Variants in TARS1 observed in about 807,000 individuals in gnomAD.
TARS1 encodes the protein threonyl-tRNA synthetase 1.
TARS1 carries 57 observed loss-of-function variants against 97.7 expected under a neutral mutation model. The observed-to-expected ratio is 0.58, with a 90% CI of 0.47 to 0.73. TARS1 has a LOEUF of 0.73. TARS1 is among the 30% of genes least tolerant of loss of function. The probability of loss-of-function intolerance (pLI) is 0.00; values close to 1 mark genes in which losing one functional copy is unlikely to be tolerated. For synonymous variants in TARS1, 312 were observed against 293.7 expected, an observed-to-expected ratio of 1.06 and a Z score of -0.64; for missense variants, 806 against 888.3, an observed-to-expected ratio of 0.91 and a Z score of 1.18.
In TARS1 at chr5:33,461,722, A is replaced by T; in HGVS notation, c.1607A>T (p.Asp536Val). 1 of 1,614,066 alleles carries T rather than the reference A, an allele frequency of 6.2e-7. No homozygotes were observed. Among genetic ancestry groups the T allele is most frequent in the Admixed American group, 1.7e-5 (1 of 60,024 alleles). The change falls in exon 14 of 19, where the codon GAT (aspartate) becomes GTT (valine). Residue 536 changes from aspartate (D) to valine (V), a missense_variant. Coordinates refer to ENST00000265112, the MANE Select transcript of TARS1 (RefSeq NM_152295.5). ...GAAAAGTGGGAGTTAAACTCTGGAG[A>T]TGGAGCTTTCTATGGCCCAAAGGTG... ...FGEKWELNSG[D>V]GAFYGPKIDI...
In TARS1 at chr5:33,455,065, G is replaced by A; in HGVS notation, c.574G>A (p.Gly192Arg). The change falls in exon 5 of 19, where the codon GGG becomes AGG. Residue 192 changes from glycine to arginine, a missense_variant and splice_region_variant. This residue lies in a region of TARS1 where 356 missense variants were observed against 357.8 expected (regional missense o/e 0.99). Transcript: ENST00000265112. ...CTATTATGACATGTACCTCGAAGAA[G>A]GGTAAGCCATCAACTAGATAAAGAA... ...GFYYDMYLEE[G>R]GVSSNDFSSL... 4 of 1,613,376 alleles carry A rather than the reference G, an allele frequency of 2.5e-6. No homozygotes were observed. Among genetic ancestry groups the A allele is most frequent in the Non-Finnish European group, 3.4e-6 (4 of 1,179,676 alleles).
intron 4 of TARS1, among the ~76,000 whole-genome samples, 192 bp from the exon 5 acceptor site, chr5:33,454,753 C>CTT (rs3215116): frequency 0.51 from 77,500 of 151,950 alleles, 21,022 homozygotes; most frequent in East Asian, 0.75. Context: ...TAAAAATACA[C>CTT]TAGTAATTGG....
chr5:33,453,137 T>A (rs190048471), intron 3 of TARS1, 152 bp from the exon 4 acceptor site: 2 of 1,068,860 alleles, frequency 1.9e-6, no homozygotes, highest in East Asian at 3.0e-5. Flanking sequence ...TTTTGGAATT[T>A]GTTGTTTTTA....
chr5:33,466,199 A>G (rs1380056997), intron 17 of TARS1: 1 of 152,230 alleles, frequency 6.6e-6, no homozygotes, highest in Non-Finnish European at 1.5e-5. Context: ...CTTTGGGTTA[A>G]TGGCCACTGT....
intron 5 of TARS1, 147 bp downstream of exon 5, chr5:33,455,213 A>G (rs527415568): frequency 2.6e-5 from 28 of 1,066,400 alleles, no homozygotes; most frequent in South Asian, 1.7e-4. Context: ...AAGTGTTGCA[A>G]TTTACCTGAA....
chr5:33,445,483 G>T, intron 2 of TARS1, 79 bp downstream of exon 2: 1 of 1,231,964 alleles, frequency 8.1e-7, no homozygotes, highest in South Asian at 1.3e-5. Context: ...TTCCTAATGT[G>T]TAAGGGTTCT....
chr5:33,453,309 C>A lies in TARS1; in HGVS notation c.350C>A (p.Thr117Asn). 1.3e-6 allele frequency: 2 copies of A among 1,597,912 alleles called. No homozygotes were observed. The highest frequency in any genetic ancestry group is 1.1e-5 in the South Asian group (1 of 88,652). Reference sequence around the variant, plus strand: ...TTAAGTCAAGGCCTGGCCGACAACACCGTTATTGCTAAAGTAAATAATGTT... The same window carrying A: ...TTAAGTCAAGGCCTGGCCGACAACAACGTTATTGCTAAAGTAAATAATGTT... ...CGISQGLADN[T>N]VIAKVNNVVW... Residue 117 changes from threonine (T) to asparagine (N), a missense_variant, in exon 4 of 19, where the codon ACC becomes AAC. Around this residue, in one of 3 missense-constraint regions of TARS1, gnomAD observed 356 missense variants for 357.8 expected, o/e 0.99. Transcript: ENST00000265112.
Position 33,462,137 on chromosome 5 carries a change from A to G in TARS1, c.1769A>G (p.His590Arg). Reference sequence around the variant, plus strand: ...GATAAGAAAAGGCCAGTGATTGTTCATCGAGCCATCTTGGGATCAGTGGAA... The same window carrying G: ...GATAAGAAAAGGCCAGTGATTGTTCGTCGAGCCATCTTGGGATCAGTGGAA... ...GDDKKRPVIV[H>R]RAILGSVERM... The change falls in exon 16 of 19, where the codon CAT becomes CGT. Residue 590 changes from histidine (H) to arginine (R), a missense_variant. By Grantham distance (29) the His-to-Arg change is conservative. Transcript: ENST00000265112. The G allele has an allele frequency of 1.9e-6, 3 of 1,613,236 alleles. No individual in the cohort carries two copies. Among genetic ancestry groups the G allele is most frequent in the Non-Finnish European group, 2.5e-6 (3 of 1,179,860 alleles).
rs1184157343 is a variant in TARS1, at chr5:33,466,861, G to A, written c.1909-10G>A. ...TAGATCTGACAAATTCTGTATCTCT[G>A]TTACAATAGGTACGACAACAATTCC... On this transcript the variant is annotated splice_polypyrimidine_tract_variant and intron_variant, in intron 17 of 18. Coordinates refer to ENST00000265112, the MANE Select transcript of TARS1 (RefSeq NM_152295.5). 1.9e-6 allele frequency: 3 copies of A among 1,577,948 alleles called. No individual in the cohort carries two copies. Among genetic ancestry groups the A allele is most frequent in the African/African-American group, 2.7e-5 (2 of 73,318 alleles).
In TARS1 at chr5:33,453,317, G is replaced by C. The variant is rs1162360720; in HGVS notation, c.358G>C (p.Ala120Pro). ...SQGLADNTVIAKVNNVVWDLD... is the reference protein window; with the variant it reads ...SQGLADNTVIPKVNNVVWDLD... ...AGGCCTGGCCGACAACACCGTTATTGCTAAAGTAAATAATGTTGTGTGGGA... is the reference window on the plus strand; with the variant it reads ...AGGCCTGGCCGACAACACCGTTATTCCTAAAGTAAATAATGTTGTGTGGGA... Residue 120 changes from alanine (A) to proline (P), a missense_variant, in exon 4 of 19, where the codon GCT becomes CCT. Physicochemically the swap from Ala to Pro is conservative, Grantham distance 27. This residue lies in a region of TARS1 where 356 missense variants were observed against 357.8 expected (regional missense o/e 0.99). Transcript: ENST00000265112. 2 of 1,550,264 alleles carry C rather than the reference G, an allele frequency of 1.3e-6. No individual in the cohort carries two copies. The highest frequency in any genetic ancestry group is 3.0e-5 in the African/African-American group (2 of 67,090).
chr5:33,444,263 C>T (rs1741300585), intron 1 of TARS1, among the ~76,000 whole-genome samples: 1 of 152,154 alleles, frequency 6.6e-6, no homozygotes. Context: ...ATGAAGGCAA[C>T]AGGGAGTAAA....
chr5:33,467,840 C>T lies in TARS1; in HGVS notation c.*132C>T. On this transcript the variant is annotated 3_prime_UTR_variant, in exon 19 of 19. Transcript: ENST00000265112. ...GGCAAAGTCTGAATAGGTCAACCTG[C>T]AGGCGTAACTATTTTTGACCTAGTC... The T allele has an allele frequency of 1.1e-6, 1 of 897,680 alleles. No individual in the cohort carries two copies. The highest frequency in any genetic ancestry group is 1.6e-6 in the Non-Finnish European group (1 of 621,078). The allele number at this position is 897,680 out of a possible 1,614,324, so 55.6% of individuals were successfully genotyped here.
At chr5:33,466,774 C>A in intron 17 of TARS1, 97 bp from the exon 18 acceptor site, 1 of 719,326 alleles carries the variant, frequency 1.4e-6, no homozygotes, top group Non-Finnish European at 2.1e-6. Context: ...GGAAGTTCAT[C>A]CAAGAAGTCC....
chr5:33,454,179 C>T (rs1703533460), intron 4 of TARS1, among the ~76,000 whole-genome samples: 2 of 152,114 alleles, frequency 1.3e-5, no homozygotes, highest in African/African-American at 4.8e-5. Context: ...CATGTGATGA[C>T]AAGATTTTCT....
At chr5:33,446,752 G>C in intron 2 of TARS1, 1 of 1,289,026 alleles carries the variant, frequency 7.8e-7, no homozygotes, top group Non-Finnish European at 1.0e-6. Context: ...TTAAGATACA[G>C]AGGGTGGTGC....
At position 33,445,474 on chromosome 5, in the gene TARS1, T is replaced by C. The variant is rs1173494374; in HGVS notation, c.138+70T>C. On this transcript the variant is annotated intron_variant, in intron 2 of 18. Coordinates refer to ENST00000265112, the MANE Select transcript of TARS1 (RefSeq NM_152295.5). The stretch of plus-strand genomic sequence containing the variant: ...AATCGCAGGGAACTTTCTGAGACTT[T>C]CCTAATGTGTAAGGGTTCTAATGGT... 1.6e-5 allele frequency: 21 copies of C among 1,331,794 alleles called. No homozygotes were observed. The Admixed American group carries it at 2.8e-4, about 18-fold the overall frequency. 82.5% of individuals were successfully genotyped at this position (1,331,794 alleles called of 1,614,324 possible).
chr5:33,458,005 G>A (rs1053890381), intron 9 of TARS1, among the ~76,000 whole-genome samples: 4 of 152,152 alleles, frequency 2.6e-5, no homozygotes, highest in Non-Finnish European at 5.9e-5. Context: ...CCAGCTATGA[G>A]GCAGCCAGCA....
rs753124689 is a variant in TARS1, at chr5:33,459,683, A to G, written c.1084-12A>G. ...TATTTGCCTACACATGTTTCTGTTT[A>G]TTTTCTATCAGAGCGAATATAGGAA... On this transcript the variant is annotated splice_polypyrimidine_tract_variant and intron_variant, in intron 10 of 18. Transcript: ENST00000265112. 6 of 1,613,520 alleles carry G rather than the reference A, an allele frequency of 3.7e-6. No homozygotes were observed. Among genetic ancestry groups the G allele is most frequent in the Non-Finnish European group, 8.5e-7 (1 of 1,179,694 alleles).
chr5:33,445,040 A>G (rs1006013176), intron 1 of TARS1, among the ~76,000 whole-genome samples: 13 of 152,124 alleles, frequency 8.5e-5, no homozygotes, highest in African/African-American at 2.9e-4. Context: ...TGGTCCAAGT[A>G]AACCTGAAGC....
Sources: gnomAD v4.1 joint callset for allele counts (sites outside exome capture counted in the v4.1 genomes callset) on GRCh38, gnomAD v4.1.1 for gene constraint, gnomAD v4.1.1 regional missense constraint, MANE v1.5 for transcripts, NCBI Gene and HGNC (gene_info 2026-07-23, HGNC 2026-07-21) for gene names.